The following REXO1 variants were observed in gnomAD, a reference collection of about 807,000 sequenced individuals.
REXO1 encodes REX1, RNA exonuclease 1 homolog.
A neutral mutation model predicts 102.6 loss-of-function variants in REXO1; 42 were observed. The ratio of observed to expected loss-of-function variants is 0.41; its 90% CI spans 0.32 to 0.53. The LOEUF (loss-of-function observed/expected upper bound fraction) is 0.53, where lower values mean the gene tolerates loss of function less well. Among genes scored for constraint, REXO1 ranks in the 20% least tolerant of loss-of-function variants. The pLI is 0.27. For synonymous variants in REXO1, 908 were observed against 779.1 expected, an observed-to-expected ratio of 1.17 and a Z score of -2.76; for missense variants, 1,819 against 1,732.5, an observed-to-expected ratio of 1.05 and a Z score of -0.89.
chr19:1,824,803 T>C (rs1336331661), intron 3 of REXO1, among the ~76,000 whole-genome samples: 1 of 152,156 alleles, frequency 6.6e-6, no homozygotes, highest in African/African-American at 2.4e-5. Flanking sequence ...TTTATCTTTT[T>C]GAGACAGAGT....
chr19:1,832,885 C>T (rs1444356800), intron 1 of REXO1, among the ~76,000 whole-genome samples: 2 of 146,750 alleles, frequency 1.4e-5, no homozygotes, highest in African/African-American at 5.1e-5. Context: ...CACTACACTC[C>T]AGCCTGGCGA....
At position 1,841,159 on chromosome 19, in the gene REXO1, C is replaced by T. The variant is rs117879068; in HGVS notation, c.157+7043G>A. The stretch of plus-strand genomic sequence containing the variant: ...GAGGAATGGCAACTCGAGAGGTCCC[C>T]GTGAGGCTCAGGGACCCCCAGGATT... On this transcript the variant is annotated intron_variant, in intron 1 of 15. Transcript: ENST00000170168. Among the ~76,000 whole-genome samples, 119 of 152,172 alleles carry T rather than the reference C, an allele frequency of 7.8e-4. No homozygotes were observed. In the East Asian group the frequency reaches 0.022, roughly 28 times the overall value.
chr19:1,837,886 C>T (rs2070086949), intron 1 of REXO1, among the ~76,000 whole-genome samples: 1 of 152,210 alleles, frequency 6.6e-6, no homozygotes, highest in African/African-American at 2.4e-5. Context: ...GCGTCCTGGG[C>T]ATTTATTCAC....
intron 1 of REXO1, among the ~76,000 whole-genome samples, chr19:1,836,856 C>T (rs1330942856): frequency 6.6e-6 from 1 of 152,194 alleles, no homozygotes. Context: ...GGACTGGCCC[C>T]TCCAGCCCAG....
chr19:1,823,683 T>C lies in REXO1; in HGVS notation c.2119A>G (p.Ser707Gly). Reference sequence around the variant, plus strand: ...AGCCTGGCGGGGGCCTGCAGCAAGCTCGCCGATGCCCTCTGCGCCTGCTGG... The same window carrying C: ...AGCCTGGCGGGGGCCTGCAGCAAGCCCGCCGATGCCCTCTGCGCCTGCTGG... ...RAQQAQRASASLLQAPARLAE... is the reference protein window; with the variant it reads ...RAQQAQRASAGLLQAPARLAE... Residue 707 changes from serine (S) to glycine (G), a missense_variant, in exon 4 of 16, where the codon AGC becomes GGC. Ser to Gly is a moderately conservative substitution (Grantham distance 56). Transcript: ENST00000170168. 7.8e-7 allele frequency: 1 copy of C among 1,289,394 alleles called. No individual in the cohort carries two copies. The allele number at this position is 1,289,394 out of a possible 1,614,324, so 79.9% of individuals were successfully genotyped here. A position where few individuals can be genotyped will look rare whatever the true frequency, so the allele number is the denominator to read the frequency against.
chr19:1,840,984 G>A (rs1178161228), intron 1 of REXO1, among the ~76,000 whole-genome samples: 1 of 152,224 alleles, frequency 6.6e-6, no homozygotes, highest in East Asian at 1.9e-4. Flanking sequence ...CGGGCTCCAG[G>A]CACGCAGCCT....
At chr19:1,848,158 G>A (rs2011643161) in intron 1 of REXO1, 44 bp downstream of exon 1, 1 of 1,029,016 alleles carries the variant, frequency 9.7e-7, no homozygotes, top group Non-Finnish European at 1.2e-6. Context: ...TCCAGACCCG[G>A]GCAGGGGAGC....
Position 1,827,393 on chromosome 19 carries a change from G to C in REXO1, c.1396C>G (p.Arg466Gly), listed in dbSNP as rs1213306826. 8.4e-6 allele frequency: 13 copies of C among 1,541,100 alleles called. No individual in the cohort carries two copies. Among genetic ancestry groups the C allele is most frequent in the Non-Finnish European group, 1.1e-5 (13 of 1,151,402 alleles). Residue 466 changes from arginine (R) to glycine (G), a missense_variant, in exon 2 of 16, where the codon CGA becomes GGA. By Grantham distance (125) the Arg-to-Gly change is moderately radical. Coordinates refer to ENST00000170168, the MANE Select transcript of REXO1 (RefSeq NM_020695.4). ...GGTGGGCCTCTGCCGGCCGCCGGTC[G>C]GGAGTCCCCGCTTGTGGGGCTCGGC... ...RRPSPTSGDS[R>G]PAAGRGPPRP... is the part of the protein sequence containing the mutation.
intron 4 of REXO1, chr19:1,822,269 G>A (rs772571500): frequency 1.6e-5 from 3 of 187,596 alleles, no homozygotes; most frequent in South Asian, 1.8e-4. Flanking sequence ...CCTAGTCTCA[G>A]AGCAACATCC....
intron 1 of REXO1, among the ~76,000 whole-genome samples, chr19:1,837,996 G>A (rs1008661289): frequency 6.6e-6 from 1 of 152,208 alleles, no homozygotes; most frequent in Non-Finnish European, 1.5e-5. Context: ...CAGGACAGAG[G>A]TCACTGCCTT....
chr19:1,828,645 A>G lies in REXO1; in HGVS notation c.158-14T>C, dbSNP rs370992504. 5.7e-6 allele frequency: 9 copies of G among 1,588,920 alleles called. No homozygotes were observed. The African/African-American group carries it at 1.2e-4, about 21-fold the overall frequency. ...CGTAACCCAGCCCTGAAGGGAACAG[A>G]GAGCACAGCTGTGACCAGCCTGCCG... On this transcript the variant is annotated splice_polypyrimidine_tract_variant and intron_variant, in intron 1 of 15. Coordinates refer to ENST00000170168, the MANE Select transcript of REXO1 (RefSeq NM_020695.4).
intron 11 of REXO1, 186 bp downstream of exon 11, chr19:1,817,521 G>A: frequency 6.8e-7 from 1 of 1,465,960 alleles, no homozygotes; most frequent in Non-Finnish European, 9.0e-7. Flanking sequence ...TTCCCAGGAT[G>A]GGAAGTGGCC....
At position 1,817,788 on chromosome 19, in the gene REXO1, GGACACA is replaced by G. The variant is rs748669156; in HGVS notation, c.3017-14_3017-9del. 12 of 1,610,752 alleles carry G rather than the reference GGACACA, an allele frequency of 7.4e-6. 1 individual carries two copies. The highest frequency in any genetic ancestry group is 3.4e-6 in the Non-Finnish European group (4 of 1,178,942). ...TCTCCCAGCCTCCGGCCACTGCAGG[GGACACA>G]GACACACAGTCAGGGCCCGGCCAGG... On this transcript the variant is annotated splice_polypyrimidine_tract_variant and intron_variant, in intron 10 of 15. Coordinates refer to ENST00000170168, the MANE Select transcript of REXO1 (RefSeq NM_020695.4).
At chr19:1,834,670 G>A (rs551808701) in intron 1 of REXO1, among the ~76,000 whole-genome samples, 27 of 152,126 alleles carry the variant, frequency 1.8e-4, no homozygotes, top group Middle Eastern at 6.8e-3. Context: ...TTCTCGCCTC[G>A]GCCTCCCAAA....
At chr19:1,844,192 C>A (rs570042615) in intron 1 of REXO1, among the ~76,000 whole-genome samples, 1 of 152,246 alleles carries the variant, frequency 6.6e-6, no homozygotes, top group Non-Finnish European at 1.5e-5. Flanking sequence ...CCCGGCCCAC[C>A]CACATCCAAC....
At position 1,826,112 on chromosome 19, in the gene REXO1, GA is replaced by G. The variant is rs916863867; in HGVS notation, c.1912-170del. Among the ~76,000 whole-genome samples the G allele has an allele frequency of 4.6e-5, 7 of 152,162 alleles. No individual in the cohort carries two copies. The highest frequency in any genetic ancestry group is 1.7e-4 in the African/African-American group (7 of 41,434). ...CCTGGGCTTTGTGTGGGTGCAGTCGGAGGGGTGGGCAGGTGTCACACGTTCT... is the reference window on the plus strand; with the variant it reads ...CCTGGGCTTTGTGTGGGTGCAGTCGGGGGGTGGGCAGGTGTCACACGTTCT... On this transcript the variant is annotated intron_variant, in intron 2 of 15. Transcript: ENST00000170168. This position sits in a 1 kb window ranked among gnomAD's most constrained non-coding sequence, Gnocchi z 4.3.
chr19:1,822,004 A>G, intron 4 of REXO1: 1 of 532,456 alleles, frequency 1.9e-6, no homozygotes, highest in East Asian at 3.4e-5. Flanking sequence ...TGGCTCCCGG[A>G]CAGAGGACCG....
At chr19:1,828,701 G>T in intron 1 of REXO1, 70 bp from the exon 2 acceptor site, 1 of 1,480,492 alleles carries the variant, frequency 6.8e-7, no homozygotes, top group Non-Finnish European at 9.0e-7. Context: ...GGGCGGCCCC[G>T]GTCTCAAACT....
At chr19:1,832,027 G>A (rs1029675939) in intron 1 of REXO1, among the ~76,000 whole-genome samples, 5 of 151,922 alleles carry the variant, frequency 3.3e-5, no homozygotes, top group African/African-American at 4.8e-5. Flanking sequence ...CTGCAGGTGC[G>A]ACTTGAACAA....
Sources: allele counts gnomAD v4.1 joint callset (sites outside exome capture counted in the v4.1 genomes callset), GRCh38; gene constraint gnomAD v4.1.1; non-coding constraint Gnocchi (gnomAD v3.1); transcripts MANE v1.5; gene names NCBI Gene and HGNC (gene_info 2026-07-23, HGNC 2026-07-21).